The following SETD5 variants were observed in gnomAD, a reference collection of about 807,000 sequenced individuals.
SETD5 encodes the protein histone-lysine N-methyltransferase SETD5.
Under a neutral mutation model 153.3 loss-of-function variants are expected in SETD5, and 44 were observed. The ratio of observed to expected loss-of-function variants is 0.29; its 90% CI spans 0.23 to 0.37. The LOEUF (loss-of-function observed/expected upper bound fraction) is 0.37, where lower values mean the gene tolerates loss of function less well. Among genes scored for constraint, SETD5 ranks in the 10% least tolerant of loss-of-function variants. SETD5 has a pLI of 1.00. For missense variants in SETD5, 1,544 were observed against 1,768.0 expected, an observed-to-expected ratio of 0.87 and a Z score of 2.27; for synonymous variants, 716 against 645.2, an observed-to-expected ratio of 1.11 and a Z score of -1.66.
rs1679536809 is a variant in SETD5 at position 9,473,469 on chromosome 3, A to T, written c.3429A>T (p.Val1143=). The T allele has an allele frequency of 6.2e-7, 1 of 1,613,890 alleles. No homozygotes were observed. The highest frequency in any genetic ancestry group is 1.3e-5 in the African/African-American group (1 of 75,042). ...SHSSMSHLEA[V]SPSDSRGTSS... Reference sequence around the variant, plus strand: ...CCTCTATGTCCCATTTGGAGGCGGTAAGCCCATCAGATTCCAGAGGCACTT... The same window carrying T: ...CCTCTATGTCCCATTTGGAGGCGGTTAGCCCATCAGATTCCAGAGGCACTT... Residue 1143 remains valine, a synonymous_variant, in exon 20 of 23, where the codon GTA becomes GTT. Transcript: ENST00000402198.
At chr3:9,439,486 C>T (rs1336658106) in intron 7 of SETD5, among the ~76,000 whole-genome samples, 1 of 152,192 alleles carries the variant, frequency 6.6e-6, no homozygotes, top group African/African-American at 2.4e-5. Flanking sequence ...CATGGATTTT[C>T]AAGTAGCTTT....
chr3:9,444,322 G>A (rs1384408144), intron 11 of SETD5, among the ~76,000 whole-genome samples: 1 of 151,892 alleles, frequency 6.6e-6, no homozygotes, highest in Admixed American at 6.6e-5. Context: ...CCAGGTATAA[G>A]GAAAAAAGAT....
chr3:9,413,696 TA>T (rs1478187009), intron 1 of SETD5, among the ~76,000 whole-genome samples: 3 of 151,084 alleles, frequency 2.0e-5, no homozygotes, highest in Admixed American at 6.6e-5. Flanking sequence ...ATTATTTATT[TA>T]TTTTTTTAAG....
chr3:9,470,667 G>A lies in SETD5; in HGVS notation c.2933G>A (p.Arg978Gln), dbSNP rs756178441. The A allele has an allele frequency of 1.9e-5, 30 of 1,613,806 alleles. No homozygotes were observed. The highest frequency in any genetic ancestry group is 1.1e-4 in the East Asian group (5 of 44,886). ...GTGAGAAACTCAGACCAGGCATTTC[G>A]GACAGAGTTCAACTTGATGTATGCC... ...TLVRNSDQAF[R>Q]TEFNLMYAYS... is the part of the protein sequence containing the mutation. The change falls in exon 19 of 23, where the codon CGG (arginine) becomes CAG (glutamine). Residue 978 changes from arginine (R) to glutamine (Q), a missense_variant. Arg to Gln is a conservative substitution (Grantham distance 43). Around this residue, in one of 9 missense-constraint regions of SETD5, gnomAD observed 782 missense variants for 787.2 expected, o/e 0.99. Transcript: ENST00000402198.
chr3:9,439,019 T>C (rs1205457293), intron 7 of SETD5, among the ~76,000 whole-genome samples: 1 of 152,222 alleles, frequency 6.6e-6, no homozygotes, highest in African/African-American at 2.4e-5. Flanking sequence ...GAACAATGGC[T>C]AATACTGTGA....
chr3:9,476,185 C>T lies in SETD5; in HGVS notation c.*94C>T, dbSNP rs562194227. 110 of 1,466,992 alleles carry T rather than the reference C, an allele frequency of 7.5e-5. No individual in the cohort carries two copies. The highest frequency in any genetic ancestry group is 3.0e-4 in the East Asian group (12 of 40,672). 90.9% of individuals were successfully genotyped at this position (1,466,992 alleles called of 1,614,324 possible). A position where few individuals can be genotyped will look rare whatever the true frequency, so the allele number is the denominator to read the frequency against. ...CTAGGCCGAGCATATTGCTGAGGAA[C>T]GGGGGGTACAAGGTGCCAGAGGATT... is the stretch of plus-strand genomic sequence containing the variant. On this transcript the variant is annotated 3_prime_UTR_variant, in exon 23 of 23. Coordinates refer to ENST00000402198, the MANE Select transcript of SETD5 (RefSeq NM_001080517.3).
At position 9,447,317 on chromosome 3, in the gene SETD5, G is replaced by GA. The variant is rs1235281610; in HGVS notation, c.1782+14dup. ...GTCTTCCCAAGCAGGGGTAAGAGTT[G>GA]AAAAGACTTCAGCACTTAGACATCC... On this transcript the variant is annotated intron_variant, in intron 14 of 22. Coordinates refer to ENST00000402198, the MANE Select transcript of SETD5 (RefSeq NM_001080517.3). 5 of 1,605,942 alleles carry GA rather than the reference G, an allele frequency of 3.1e-6. No homozygotes were observed. The highest frequency in any genetic ancestry group is 4.2e-6 in the Non-Finnish European group (5 of 1,177,170).
In SETD5 at chr3:9,428,849, A is replaced by T. The variant is rs1327013478; in HGVS notation, c.-90A>T. 1.3e-6 allele frequency: 1 copy of T among 789,258 alleles called. No homozygotes were observed. The highest frequency in any genetic ancestry group is 1.7e-5 in the African/African-American group (1 of 57,754). 48.9% of individuals were successfully genotyped at this position (789,258 alleles called of 1,614,324 possible). A position where few individuals can be genotyped will look rare whatever the true frequency, so the allele number is the denominator to read the frequency against. On this transcript the variant is annotated 5_prime_UTR_variant, in exon 3 of 23. An upstream start codon of the reference 5' UTR is lost. Transcript: ENST00000402198. ...ATTCCTCATGTCCATAACATGTTGG[A>T]TGAGGCTCTGCAGCTCACCCCCACT...
At position 9,447,215 on chromosome 3, in the gene SETD5, G is replaced by A; in HGVS notation, c.1690G>A (p.Glu564Lys). 2 of 1,614,028 alleles carry A rather than the reference G, an allele frequency of 1.2e-6. No individual in the cohort carries two copies. The highest frequency in any genetic ancestry group is 1.7e-6 in the Non-Finnish European group (2 of 1,179,898). The change falls in exon 14 of 23, where the codon GAA becomes AAA. Residue 564 changes from glutamate (E) to lysine (K), a missense_variant. Around this residue, in one of 9 missense-constraint regions of SETD5, gnomAD observed 782 missense variants for 787.2 expected, o/e 0.99. Transcript: ENST00000402198. Reference sequence around the variant, plus strand: ...TGAAGAGACAAAAACTGAAGCCCCTGAATCTGAAGTTAGCAACTCTGTTTC... The same window carrying A: ...TGAAGAGACAAAAACTGAAGCCCCTAAATCTGAAGTTAGCAACTCTGTTTC... ...VGEETKTEAP[E>K]SEVSNSVSNV... is the part of the protein sequence containing the mutation.
intron 3 of SETD5, chr3:9,429,762 C>T: frequency 9.2e-7 from 1 of 1,085,426 alleles, no homozygotes; most frequent in Non-Finnish European, 1.2e-6. Context: ...CCGAGATTCC[C>T]CCTGCTCACA....
chr3:9,475,278 GTCA>G (rs2045746458), intron 22 of SETD5, 122 bp downstream of exon 22: 4 of 1,155,062 alleles, frequency 3.5e-6, no homozygotes, highest in Non-Finnish European at 4.9e-6. Flanking sequence ...TTGGAAATAA[GTCA>G]TCATCTGCTT....
At chr3:9,448,669 T>C in intron 16 of SETD5, 39 bp downstream of exon 16, 3 of 1,460,372 alleles carry the variant, frequency 2.1e-6, no homozygotes, top group Non-Finnish European at 1.8e-6. Context: ...TGTTTATGTG[T>C]GTGTGCTTTA....
intron 1 of SETD5, among the ~76,000 whole-genome samples, chr3:9,409,553 C>T (rs1377039842): frequency 6.6e-6 from 1 of 152,018 alleles, no homozygotes; most frequent in African/African-American, 2.4e-5. Flanking sequence ...TCCTTGCTTC[C>T]TACTATTACT....
At position 9,475,364 on chromosome 3, in the gene SETD5, C is replaced by T. The variant is rs1575630381; in HGVS notation, c.3721-119C>T. 3.5e-6 allele frequency: 5 copies of T among 1,423,160 alleles called. No homozygotes were observed. The East Asian group carries it at 1.2e-4, about 34-fold the overall frequency. The allele number at this position is 1,423,160 out of a possible 1,614,324, so 88.2% of individuals were successfully genotyped here. ...ACAGACATTTTACTGCCTTTGGTTT[C>T]CTAAAAAGAATACATGGTTAAAAGA... On this transcript the variant is annotated intron_variant, in intron 22 of 22. Coordinates refer to ENST00000402198, the MANE Select transcript of SETD5 (RefSeq NM_001080517.3).
chr3:9,425,794 T>A (rs1373586264), intron 2 of SETD5, among the ~76,000 whole-genome samples: 1 of 152,204 alleles, frequency 6.6e-6, no homozygotes, highest in African/African-American at 2.4e-5. Flanking sequence ...ATGCATTTTT[T>A]AAATGGGTGT....
intron 17 of SETD5, among the ~76,000 whole-genome samples, chr3:9,462,962 C>G (rs2044156323): frequency 6.6e-6 from 1 of 150,740 alleles, no homozygotes; most frequent in Non-Finnish European, 1.5e-5. Context: ...TAACACATAG[C>G]AATATGATCA....
intron 3 of SETD5, 110 bp downstream of exon 3, chr3:9,429,119 C>A: frequency 1.5e-6 from 1 of 660,968 alleles, no homozygotes. Flanking sequence ...AGATCCTATT[C>A]CACTGTAATT....
chr3:9,435,579 G>GA, intron 6 of SETD5, 149 bp from the exon 7 acceptor site: 1 of 594,536 alleles, frequency 1.7e-6, no homozygotes, highest in Non-Finnish European at 2.7e-6. Flanking sequence ...TCTTAAGGAA[G>GA]ATGAGTATTT....
rs2042257967 is a variant in SETD5 at position 9,448,385 on chromosome 3, T to C, written c.2104-3T>C. On this transcript the variant is annotated splice_polypyrimidine_tract_variant and splice_region_variant and intron_variant, in intron 15 of 22. Coordinates refer to ENST00000402198, the MANE Select transcript of SETD5 (RefSeq NM_001080517.3). The stretch of plus-strand genomic sequence containing the variant: ...TAAACTAATGATCTCTTTTTTACCT[T>C]AGTATCTAGTTACAGAATGGTTGAA... 1 of 1,613,708 alleles carries C rather than the reference T, an allele frequency of 6.2e-7. No homozygotes were observed. The highest frequency in any genetic ancestry group is 1.7e-5 in the Admixed American group (1 of 59,980).
Sources: gnomAD v4.1 joint callset for allele counts (sites outside exome capture counted in the v4.1 genomes callset) on GRCh38, gnomAD v4.1.1 for gene constraint, gnomAD v4.1.1 regional missense constraint, MANE v1.5 for transcripts, NCBI Gene and HGNC (gene_info 2026-07-23, HGNC 2026-07-21) for gene names.